Variants in ZNF385B observed in about 807,000 individuals in gnomAD.
ZNF385B encodes zinc finger protein 533.
Under a neutral mutation model 39.2 loss-of-function variants are expected in ZNF385B, and 23 were observed. The observed-to-expected ratio is 0.59, with a 90% confidence interval of 0.42 to 0.83. The LOEUF (loss-of-function observed/expected upper bound fraction) is 0.83. Ranked by LOEUF, ZNF385B falls within the 40% of genes least tolerant of loss-of-function variation. The pLI, the probability that ZNF385B is intolerant of heterozygous loss-of-function variation, is 0.00. For synonymous variants in ZNF385B, 205 were observed against 222.6 expected (o/e 0.92, Z 0.70); for missense variants, 552 against 598.9 (o/e 0.92, Z 0.82).
At chr2:179,671,746 C>T (rs1696033250) in intron 3 of ZNF385B, among the ~76,000 whole-genome samples, 1 of 152,212 alleles carries the variant, frequency 6.6e-6, no homozygotes, top group South Asian at 2.1e-4. Flanking sequence ...CTCTGAACTC[C>T]ATCCTATGTT....
intron 3 of ZNF385B, among the ~76,000 whole-genome samples, chr2:179,715,383 G>A (rs1700271774): frequency 6.6e-6 from 1 of 152,108 alleles, no homozygotes; most frequent in Admixed American, 6.5e-5. Flanking sequence ...TGTCTAAGAT[G>A]TCATATACAG....
chr2:179,828,590 T>C (rs771261903), intron 1 of ZNF385B, among the ~76,000 whole-genome samples: 12 of 152,162 alleles, frequency 7.9e-5, no homozygotes, highest in Non-Finnish European at 1.3e-4. Flanking sequence ...GGCTACATTA[T>C]TGGAAAAAAG....
intron 1 of ZNF385B, among the ~76,000 whole-genome samples, chr2:179,848,455 C>T (rs886309677): frequency 1.3e-5 from 2 of 152,166 alleles, no homozygotes; most frequent in South Asian, 2.1e-4. Flanking sequence ...TGCTACTACT[C>T]GGTATGTGCA....
At chr2:179,698,745 A>C (rs1269256783) in intron 3 of ZNF385B, among the ~76,000 whole-genome samples, 1 of 152,194 alleles carries the variant, frequency 6.6e-6, no homozygotes, top group East Asian at 1.9e-4. Flanking sequence ...CAGATATCAG[A>C]AGTTTAATGT....
In ZNF385B at chr2:179,776,046, A is replaced by T. The variant is rs1373092201; in HGVS notation, c.-154-5374T>A. Among the ~76,000 whole-genome samples the T allele has an allele frequency of 3.9e-5, 6 of 152,336 alleles. No individual in the cohort carries two copies. The South Asian group carries it at 8.3e-4, about 21-fold the overall frequency. On this transcript the variant is annotated intron_variant, in intron 1 of 9. Coordinates refer to ENST00000410066, the MANE Select transcript of ZNF385B (RefSeq NM_152520.6). ...CATGACCACATCTTACCTCTGAAAG[A>T]ACAGCCTGGAACTGTTGAAGCTCAA... is the stretch of plus-strand genomic sequence containing the variant.
At chr2:179,646,911 C>A (rs1692769143) in intron 3 of ZNF385B, among the ~76,000 whole-genome samples, 1 of 152,274 alleles carries the variant, frequency 6.6e-6, no homozygotes, top group East Asian at 1.9e-4. Flanking sequence ...ATAGATAAAG[C>A]TATAACCCAT....
At chr2:179,773,199 C>G (rs187686034) in intron 1 of ZNF385B, among the ~76,000 whole-genome samples, 518 of 152,232 alleles carry the variant, frequency 3.4e-3, no homozygotes, top group South Asian at 7.5e-3. Context: ...GAAACTGATC[C>G]AGAGGTAAAG....
intron 3 of ZNF385B, among the ~76,000 whole-genome samples, chr2:179,749,175 AT>A (rs1379467886): frequency 2.0e-5 from 3 of 151,926 alleles, no homozygotes; most frequent in African/African-American, 7.3e-5. Context: ...CAGGGCTATG[AT>A]TTAAAAAAAA....
intron 1 of ZNF385B, among the ~76,000 whole-genome samples, chr2:179,852,973 T>A (rs1575601076): frequency 6.6e-6 from 1 of 152,326 alleles, no homozygotes; most frequent in African/African-American, 2.4e-5. Context: ...CTTGCCTTCT[T>A]CATTTTGAGT....
At chr2:179,456,721 C>T (rs1405083942) in intron 6 of ZNF385B, among the ~76,000 whole-genome samples, 1 of 152,078 alleles carries the variant, frequency 6.6e-6, no homozygotes. Context: ...ATGGCTGTTC[C>T]AGGCAATTAT....
At chr2:179,729,139 A>C (rs1343982784) in intron 3 of ZNF385B, among the ~76,000 whole-genome samples, 2 of 147,732 alleles carry the variant, frequency 1.4e-5, no homozygotes, top group Non-Finnish European at 1.5e-5. Context: ...AAAAAAAAAA[A>C]AAAAAAAACC....
At chr2:179,677,683 G>A (rs1697022623) in intron 3 of ZNF385B, among the ~76,000 whole-genome samples, 1 of 152,150 alleles carries the variant, frequency 6.6e-6, no homozygotes, top group South Asian at 2.1e-4. Context: ...CCAAACCTAT[G>A]CCTGAAAATG....
chr2:179,480,980 G>A lies in ZNF385B; in HGVS notation c.715+2292C>T, dbSNP rs969591945. 3.3e-5 allele frequency: 5 copies of A among 152,306 alleles called. No individual in the cohort carries two copies. The South Asian group carries it at 1.0e-3, about 32-fold the overall frequency. 9.4% of individuals were successfully genotyped at this position (152,306 alleles called of 1,614,324 possible). On this transcript the variant is annotated intron_variant, in intron 6 of 9. Coordinates refer to ENST00000410066, the MANE Select transcript of ZNF385B (RefSeq NM_152520.6). Reference sequence around the variant, plus strand: ...TACTGTTAGACTACAGGTACTAGGAGGTGGGTAAAAGAGTGGCAGAGGAAG... The same window carrying A: ...TACTGTTAGACTACAGGTACTAGGAAGTGGGTAAAAGAGTGGCAGAGGAAG...
intron 3 of ZNF385B, among the ~76,000 whole-genome samples, chr2:179,608,607 C>G (rs2106124401): frequency 6.6e-6 from 1 of 152,262 alleles, no homozygotes; most frequent in East Asian, 1.9e-4. Flanking sequence ...TTACCTCAGG[C>G]TCTTTTCTAG....
chr2:179,738,533 T>G (rs1050896462), intron 3 of ZNF385B, among the ~76,000 whole-genome samples: 5 of 152,202 alleles, frequency 3.3e-5, no homozygotes, highest in Admixed American at 3.3e-4. Context: ...GAGTTTACAT[T>G]TTATCAATAT....
chr2:179,537,897 T>A (rs560771527), intron 4 of ZNF385B, among the ~76,000 whole-genome samples: 28 of 152,256 alleles, frequency 1.8e-4, no homozygotes, highest in African/African-American at 6.5e-4. Flanking sequence ...TTTCTAATGA[T>A]CTGGGGAATG....
intron 1 of ZNF385B, among the ~76,000 whole-genome samples, chr2:179,808,119 G>A (rs1575529039): frequency 6.6e-6 from 1 of 151,614 alleles, no homozygotes; most frequent in East Asian, 2.0e-4. Context: ...TGCAAGCTCC[G>A]CCTCCCAGGT....
chr2:179,855,377 T>C (rs878993493), intron 1 of ZNF385B, among the ~76,000 whole-genome samples: 3 of 152,332 alleles, frequency 2.0e-5, no homozygotes, highest in Admixed American at 2.0e-4. Context: ...CTTAGGTCCA[T>C]GAATTTCAAT....
At chr2:179,473,133 A>G (rs781217363) in intron 6 of ZNF385B, among the ~76,000 whole-genome samples, 14 of 152,188 alleles carry the variant, frequency 9.2e-5, no homozygotes, top group Non-Finnish European at 1.8e-4. Context: ...CAGTGGAAGG[A>G]TAGAAAGACA....
Sources: allele counts gnomAD v4.1 joint callset (sites outside exome capture counted in the v4.1 genomes callset), GRCh38; gene constraint gnomAD v4.1.1; transcripts MANE v1.5; gene names NCBI Gene and HGNC (gene_info 2026-07-23, HGNC 2026-07-21).